Variants in PRMT8 observed in about 807,000 individuals in gnomAD.
The protein encoded by PRMT8 is protein arginine methyltransferase 8.
A neutral mutation model predicts 47.1 loss-of-function variants in PRMT8; 7 were observed. That is an observed-to-expected ratio of 0.15 (90% confidence interval 0.08 to 0.28). PRMT8 has a LOEUF of 0.28. Ranked by LOEUF, PRMT8 falls within the 10% of genes least tolerant of loss-of-function variation. The pLI, the probability that PRMT8 is intolerant of heterozygous loss-of-function variation, is 1.00. For missense variants in PRMT8, 237 were observed against 505.4 expected, an observed-to-expected ratio of 0.47 and a Z score of 5.09; for synonymous variants, 188 against 186.5, an observed-to-expected ratio of 1.01 and a Z score of -0.07.
chr12:3,495,426 C>T (rs1177213041), intron 1 of PRMT8, among the ~76,000 whole-genome samples: 1 of 152,212 alleles, frequency 6.6e-6, no homozygotes. Flanking sequence ...ATACTCTTCC[C>T]TCTGCCTGTG....
chr12:3,485,653 A>T (rs543612302), intron 1 of PRMT8, among the ~76,000 whole-genome samples: 1 of 152,312 alleles, frequency 6.6e-6, no homozygotes, highest in South Asian at 2.1e-4. Flanking sequence ...GAGGCCCATT[A>T]TACACTGTTT....
Position 3,465,276 on chromosome 12 carries a change from TAA to T in PRMT8, c.49-75325_49-75324del, listed in dbSNP as rs5796053. ...TATATTTTATAAATATTTATAAAAA[TAA>T]AAAATATATAATATATAATAAAATA... On this transcript the variant is annotated intron_variant, in intron 1 of 9. Coordinates refer to the PRMT8 transcript ENST00000452611. Among the ~76,000 whole-genome samples the T allele has an allele frequency of 4.2e-5, 6 of 143,662 alleles. 1 individual carries two copies. Among genetic ancestry groups the T allele is most frequent in the East Asian group, 3.9e-4 (2 of 5,100 alleles). 94.2% of individuals were successfully genotyped at this position (143,662 alleles called of 152,430 possible).
At position 3,448,820 on chromosome 12, in the gene PRMT8, G is replaced by T. The variant is rs150731699; in HGVS notation, c.48+67378G>T. ...TAAACATGTGCCATGGTGGTTTGCT[G>T]CATCTATCAACCCATCACCTAGGTA... On this transcript the variant is annotated intron_variant, in intron 1 of 9. Coordinates refer to the PRMT8 transcript ENST00000452611. Among the ~76,000 whole-genome samples the T allele has an allele frequency of 5.9e-5, 9 of 152,250 alleles. No homozygotes were observed. The East Asian group carries it at 1.5e-3, about 26-fold the overall frequency.
At chr12:3,534,874 C>T (rs113549501) in intron 1 of PRMT8, among the ~76,000 whole-genome samples, 76 of 152,364 alleles carry the variant, frequency 5.0e-4, no homozygotes, top group Non-Finnish European at 1.2e-4. Context: ...GACATCTTGG[C>T]TGTGCTGCTT....
chr12:3,561,659 T>C (rs1487769727), intron 4 of PRMT8, among the ~76,000 whole-genome samples: 1 of 152,186 alleles, frequency 6.6e-6, no homozygotes, highest in Admixed American at 6.5e-5. Flanking sequence ...CACAGTACTT[T>C]GTCATCTTCT....
At chr12:3,546,789 G>C (rs1431095555) in intron 2 of PRMT8, among the ~76,000 whole-genome samples, 1 of 152,162 alleles carries the variant, frequency 6.6e-6, no homozygotes, top group Non-Finnish European at 1.5e-5. Context: ...AAATATATGA[G>C]CAGAGAACAC....
intron 2 of PRMT8, among the ~76,000 whole-genome samples, chr12:3,546,153 A>T (rs1487703628): frequency 1.3e-5 from 2 of 152,258 alleles, no homozygotes; most frequent in Admixed American, 1.3e-4. Flanking sequence ...ACTAAATGAT[A>T]GTGAAAATAC....
At chr12:3,459,301 TC>T (rs1391647392) in intron 1 of PRMT8, among the ~76,000 whole-genome samples, 8 of 152,108 alleles carry the variant, frequency 5.3e-5, no homozygotes, top group Non-Finnish European at 7.4e-5. Context: ...CCTTCCCACC[TC>T]CCCAGTCTTC....
chr12:3,478,043 T>A (rs1471510635), intron 1 of PRMT8, among the ~76,000 whole-genome samples: 4 of 152,118 alleles, frequency 2.6e-5, no homozygotes, highest in Admixed American at 6.5e-5. Context: ...TCTATAATGC[T>A]CTAAGAGTGT....
upstream of PRMT8, among the ~76,000 whole-genome samples, chr12:3,488,968 C>T (rs1418176335): frequency 1.3e-5 from 2 of 152,188 alleles, no homozygotes; most frequent in Non-Finnish European, 2.9e-5. Flanking sequence ...TGTTCTAAGA[C>T]AGCTCAACAG....
chr12:3,488,975 A>G (rs1865347357), upstream of PRMT8, among the ~76,000 whole-genome samples: 1 of 152,180 alleles, frequency 6.6e-6, no homozygotes, highest in Non-Finnish European at 1.5e-5. Flanking sequence ...AGACAGCTCA[A>G]CAGGGGGCTA....
intron 1 of PRMT8, among the ~76,000 whole-genome samples, chr12:3,392,624 G>C (rs1488274832): frequency 6.6e-6 from 1 of 151,450 alleles, no homozygotes; most frequent in Non-Finnish European, 1.5e-5. Context: ...TTGGACATTT[G>C]GGTTGGTTCC....
chr12:3,519,632 G>A (rs1303375243), intron 1 of PRMT8, among the ~76,000 whole-genome samples: 1 of 152,182 alleles, frequency 6.6e-6, no homozygotes, highest in African/African-American at 2.4e-5. Flanking sequence ...GACTATTAAG[G>A]TTTTGTTGTT....
At chr12:3,431,855 G>C (rs1213614960) in intron 1 of PRMT8, among the ~76,000 whole-genome samples, 1 of 152,210 alleles carries the variant, frequency 6.6e-6, no homozygotes, top group Non-Finnish European at 1.5e-5. Context: ...TGGCATCGCA[G>C]GGAGCTGGCT....
chr12:3,582,259 C>G (rs1467455117), intron 7 of PRMT8, among the ~76,000 whole-genome samples: 4 of 152,226 alleles, frequency 2.6e-5, no homozygotes, highest in Non-Finnish European at 5.9e-5. Context: ...TTCAATTCCA[C>G]CTGCTCCCCA....
At chr12:3,561,724 A>G (rs1866641184) in intron 4 of PRMT8, among the ~76,000 whole-genome samples, 1 of 152,232 alleles carries the variant, frequency 6.6e-6, no homozygotes, top group African/African-American at 2.4e-5. Context: ...GAAGTCCCAC[A>G]TGATATACTG....
chr12:3,422,732 G>A (rs768811125), intron 1 of PRMT8, among the ~76,000 whole-genome samples: 15 of 152,220 alleles, frequency 9.9e-5, no homozygotes, highest in African/African-American at 2.4e-4. Context: ...GGCCCAGGGC[G>A]CAGTGCTGGG....
At chr12:3,584,028 C>G (rs868575405) in intron 8 of PRMT8, among the ~76,000 whole-genome samples, 13 of 152,218 alleles carry the variant, frequency 8.5e-5, no homozygotes, top group South Asian at 2.1e-4. Flanking sequence ...TCTCATCATC[C>G]CCTCTTCTCC....
intron 1 of PRMT8, among the ~76,000 whole-genome samples, chr12:3,481,982 G>A (rs1487884649): frequency 6.6e-6 from 1 of 152,188 alleles, no homozygotes; most frequent in East Asian, 1.9e-4. Context: ...GGATAGTGAT[G>A]AGAATGGCTT....
Sources: gnomAD v4.1 joint callset for allele counts (sites outside exome capture counted in the v4.1 genomes callset) on GRCh38, gnomAD v4.1.1 for gene constraint, MANE v1.5 for transcripts, NCBI Gene and HGNC (gene_info 2026-07-23, HGNC 2026-07-21) for gene names.